The following PLEKHS1 variants were observed in gnomAD, a reference collection of about 807,000 sequenced individuals.
PLEKHS1 encodes pleckstrin homology domain containing S1.
Under a neutral mutation model 51.0 loss-of-function variants are expected in PLEKHS1, and 55 were observed. The ratio of observed to expected loss-of-function variants is 1.08; its 90% CI spans 0.87 to 1.35. The LOEUF (loss-of-function observed/expected upper bound fraction) is 1.35, where lower values mean the gene tolerates loss of function less well. Ranked by LOEUF, PLEKHS1 falls within the 40% of genes most tolerant of loss-of-function variation. The probability of loss-of-function intolerance (pLI) is 0.00; values close to 1 mark genes in which losing one functional copy is unlikely to be tolerated. For missense variants in PLEKHS1, 398 were observed against 423.0 expected (o/e 0.94, Z 0.52); for synonymous variants, 153 against 144.8 (o/e 1.06, Z -0.41).
intron 6 of PLEKHS1, 44 bp from the exon 7 acceptor site, chr10:113,769,740 C>A: frequency 7.9e-7 from 1 of 1,264,782 alleles, no homozygotes; most frequent in Non-Finnish European, 1.2e-6. Context: ...TCATTCCAGA[C>A]AGAGATCAAC....
chr10:113,770,465 G>GT (rs1359482050), intron 7 of PLEKHS1, among the ~76,000 whole-genome samples: 1 of 152,178 alleles, frequency 6.6e-6, no homozygotes, highest in African/African-American at 2.4e-5. Context: ...GATTTGCAAT[G>GT]TTCCCAACTT....
chr10:113,775,033 C>G (rs1378239049), exon 10 of PLEKHS1: 1 of 1,613,590 alleles, frequency 6.2e-7, no homozygotes, highest in African/African-American at 1.3e-5. Flanking sequence ...CTATATTAAT[C>G]AAGTAAAGCT....
chr10:113,755,913 G>C (rs540572260), intron 2 of PLEKHS1, among the ~76,000 whole-genome samples: 1 of 152,230 alleles, frequency 6.6e-6, no homozygotes, highest in African/African-American at 2.4e-5. Flanking sequence ...AAAGACTGGA[G>C]AACATTTTCT....
chr10:113,776,072 A>G (rs1285486324), intron 11 of PLEKHS1, among the ~76,000 whole-genome samples: 1 of 152,212 alleles, frequency 6.6e-6, no homozygotes, highest in East Asian at 1.9e-4. Flanking sequence ...GGAGGTGAGC[A>G]GGGGGAATAA....
chr10:113,755,840 T>G (rs1564815173), intron 2 of PLEKHS1, among the ~76,000 whole-genome samples: 1 of 152,200 alleles, frequency 6.6e-6, no homozygotes, highest in Non-Finnish European at 1.5e-5. Flanking sequence ...TTTTCTGATT[T>G]TCATGAGCCA....
At chr10:113,761,031 G>A (rs1244233017) in intron 2 of PLEKHS1, among the ~76,000 whole-genome samples, 1 of 152,172 alleles carries the variant, frequency 6.6e-6, no homozygotes, top group Non-Finnish European at 1.5e-5. Context: ...TGAATACTCA[G>A]TTGGCCCAGC....
At chr10:113,779,078 G>A (rs1844789659) in intron 11 of PLEKHS1, among the ~76,000 whole-genome samples, 1 of 152,208 alleles carries the variant, frequency 6.6e-6, no homozygotes, top group African/African-American at 2.4e-5. Context: ...TGTGTGCCCT[G>A]AGATATGAAC....
At chr10:113,771,936 G>T in intron 7 of PLEKHS1, 34 bp from the exon 8 acceptor site, 1 of 1,588,156 alleles carries the variant, frequency 6.3e-7, no homozygotes, top group Middle Eastern at 1.7e-4. Context: ...CTCTTGCAAA[G>T]AAAAAGCAAA....
chr10:113,772,128 C>T (rs1844440748), intron 8 of PLEKHS1, 39 bp downstream of exon 8: 5 of 1,606,328 alleles, frequency 3.1e-6, no homozygotes, highest in Non-Finnish European at 4.2e-6. Flanking sequence ...GTTTCTTTAA[C>T]AAATATTTAC....
At chr10:113,766,674 C>G (rs1844175536) in exon 4 of PLEKHS1, 1 of 1,612,538 alleles carries the variant, frequency 6.2e-7, no homozygotes, top group African/African-American at 1.3e-5. Flanking sequence ...TTAGTCTTTC[C>G]TATTATAAAG....
At chr10:113,766,788 C>A in intron 4 of PLEKHS1, 70 bp downstream of exon 4, 2 of 1,215,948 alleles carry the variant, frequency 1.6e-6, no homozygotes, top group Non-Finnish European at 2.3e-6. Flanking sequence ...AAGTTGCATG[C>A]AAATTGAAAT....
At position 113,780,653 on chromosome 10, in the gene PLEKHS1, G is replaced by A. The variant is rs989936724; in HGVS notation, c.*51G>A. 4.3e-6 allele frequency: 7 copies of A among 1,613,688 alleles called. No individual in the cohort carries two copies. In the East Asian group the frequency reaches 8.9e-5, roughly 21 times the overall value. Reference sequence around the variant, plus strand: ...CCCAAATTCAGAGACATTCCATGCTGCATCCTGTATGTGTCCCTCAAAATG... The same window carrying A: ...CCCAAATTCAGAGACATTCCATGCTACATCCTGTATGTGTCCCTCAAAATG... On this transcript the variant is annotated 3_prime_UTR_variant, in exon 12 of 12. Transcript: ENST00000361048.
At chr10:113,763,451 A>G (rs1844030625) in intron 2 of PLEKHS1, among the ~76,000 whole-genome samples, 2 of 152,162 alleles carry the variant, frequency 1.3e-5, no homozygotes, top group African/African-American at 4.8e-5. Context: ...AATTACTGAT[A>G]TAGTCAGGTT....
chr10:113,769,374 A>G (rs1379159054), intron 6 of PLEKHS1, among the ~76,000 whole-genome samples: 2 of 152,224 alleles, frequency 1.3e-5, no homozygotes, highest in Non-Finnish European at 2.9e-5. Flanking sequence ...ACCTTTATAG[A>G]TGGAACTTTG....
At chr10:113,761,302 A>G (rs917459811) in intron 2 of PLEKHS1, among the ~76,000 whole-genome samples, 2 of 152,140 alleles carry the variant, frequency 1.3e-5, no homozygotes, top group African/African-American at 4.8e-5. Context: ...TAGCTTTTCT[A>G]GTTTTACAAG....
exon 12 of PLEKHS1, chr10:113,781,939 C>T (rs1303520587): frequency 1.3e-5 from 2 of 152,242 alleles, no homozygotes; most frequent in Non-Finnish European, 2.9e-5. Context: ...TTTTAGAAGT[C>T]GCAGCAGTTT....
rs148229443 is a variant in PLEKHS1 at position 113,768,288 on chromosome 10, G to T, written c.360-527G>T. Among the ~76,000 whole-genome samples, 534 of 152,254 alleles carry T rather than the reference G, an allele frequency of 3.5e-3. 6 individuals are homozygous for T. The highest frequency in any genetic ancestry group is 0.012 in the African/African-American group (519 of 41,538). ...TATCTGCTTGAGGGAGAGGCAAAGC[G>T]GGTGTGGGAGAGACTGTGCAGAGGA... On this transcript the variant is annotated intron_variant, in intron 5 of 11. Transcript: ENST00000361048.
At chr10:113,753,390 G>T (rs976002381) in intron 1 of PLEKHS1, among the ~76,000 whole-genome samples, 1 of 152,114 alleles carries the variant, frequency 6.6e-6, no homozygotes, top group African/African-American at 2.4e-5. Flanking sequence ...TTGGGGAGTG[G>T]GCAAGGTTTT....
At chr10:113,767,321 A>C (rs1402287828) in intron 4 of PLEKHS1, 24 bp from the exon 5 acceptor site, 2 of 1,545,600 alleles carry the variant, frequency 1.3e-6, no homozygotes, top group East Asian at 4.6e-5. Context: ...CCTTGGTTTA[A>C]TACTTTGTGT....
Sources: allele counts gnomAD v4.1 joint callset (sites outside exome capture counted in the v4.1 genomes callset), GRCh38; gene constraint gnomAD v4.1.1; transcripts MANE v1.5; gene names NCBI Gene and HGNC (gene_info 2026-07-23, HGNC 2026-07-21).